DNAJC18: variants seen among roughly 807,000 people sequenced by gnomAD.
The protein encoded by DNAJC18 is dnaJ homolog subfamily C member 18.
DNAJC18 carries 40 observed loss-of-function variants against 48.6 expected under a neutral mutation model. The observed-to-expected ratio is 0.82, with a 90% confidence interval of 0.64 to 1.07. The LOEUF (loss-of-function observed/expected upper bound fraction) is 1.07, where lower values mean the gene tolerates loss of function less well. Among genes scored for constraint, DNAJC18 ranks in the 50% least tolerant of loss-of-function variants. DNAJC18 has a pLI of 0.00. For missense variants in DNAJC18, 340 were observed against 427.7 expected (o/e 0.79, Z 1.81); for synonymous variants, 135 against 152.2 (o/e 0.89, Z 0.83).
At chr5:139,433,780 T>C (rs1255558541) in intron 2 of DNAJC18, among the ~76,000 whole-genome samples, 1 of 152,238 alleles carries the variant, frequency 6.6e-6, no homozygotes, top group Non-Finnish European at 1.5e-5. Flanking sequence ...TTTGTGTATA[T>C]TTTATGATAG....
chr5:139,412,615 A>T lies in DNAJC18; in HGVS notation c.*1533T>A, dbSNP rs907497778. ...ATGAAGGAAGCATGGAGTGTAGGCT[A>T]CAGTCACTTAATGATCCTTCCAAGT... On this transcript the variant is annotated 3_prime_UTR_variant, in exon 8 of 8. Coordinates refer to ENST00000302060, the MANE Select transcript of DNAJC18 (RefSeq NM_152686.4). 2.5e-6 allele frequency: 1 copy of T among 398,420 alleles called. No homozygotes were observed. The highest frequency in any genetic ancestry group is 4.4e-6 in the Non-Finnish European group (1 of 226,092). 24.7% of individuals were successfully genotyped at this position (398,420 alleles called of 1,614,324 possible).
intron 6 of DNAJC18, among the ~76,000 whole-genome samples, 192 bp downstream of exon 6, chr5:139,422,516 C>T (rs925874651): frequency 1.3e-5 from 2 of 152,150 alleles, no homozygotes; most frequent in Admixed American, 6.5e-5. Flanking sequence ...AATCTATTTC[C>T]CGAGGCACAC....
chr5:139,425,237 C>A, intron 4 of DNAJC18, 123 bp from the exon 5 acceptor site: 1 of 644,128 alleles, frequency 1.6e-6, no homozygotes, highest in East Asian at 3.4e-5. Flanking sequence ...GATCTCGGCT[C>A]ACTGCAACCT....
chr5:139,425,045 C>T lies in DNAJC18; in HGVS notation c.629G>A (p.Arg210Lys), dbSNP rs772188857. Reference sequence around the variant, plus strand: ...TTCCTCCTCCTTCTGAGTCTGTGTCCTCTCATGTCGGTGCCGTCGACGGTA... The same window carrying T: ...TTCCTCCTCCTTCTGAGTCTGTGTCTTCTCATGTCGGTGCCGTCGACGGTA... Reference protein sequence around the residue: ...YYYRRRHRHERTQTQKEEEEE... With the variant: ...YYYRRRHRHEKTQTQKEEEEE... Residue 210 changes from arginine to lysine, a missense_variant, in exon 5 of 8, where the codon AGG becomes AAG. Transcript: ENST00000302060. 8 of 1,613,182 alleles carry T rather than the reference C, an allele frequency of 5.0e-6. No homozygotes were observed. The highest frequency in any genetic ancestry group is 6.8e-6 in the Non-Finnish European group (8 of 1,179,510).
At chr5:139,426,416 C>A in intron 3 of DNAJC18, 59 bp from the exon 4 acceptor site, 1 of 1,586,704 alleles carries the variant, frequency 6.3e-7, no homozygotes, top group South Asian at 1.2e-5. Context: ...TGAGAGTGAT[C>A]ACAGCAGCAG....
At position 139,439,258 on chromosome 5, in the gene DNAJC18, C is replaced by A. The variant is rs1229554089; in HGVS notation, c.40+148G>T. On this transcript the variant is annotated intron_variant, in intron 1 of 7. Coordinates refer to ENST00000302060, the MANE Select transcript of DNAJC18 (RefSeq NM_152686.4). This position sits in a 1 kb window ranked among gnomAD's most constrained non-coding sequence, Gnocchi z 4.1. ...CGGTCCCCAGCTTCCCTACCCCATC[C>A]GCAACCCTACTCAGGCTCAGCATCT... is the stretch of plus-strand genomic sequence containing the variant. 4 of 1,340,060 alleles carry A rather than the reference C, an allele frequency of 3.0e-6. No homozygotes were observed. Among genetic ancestry groups the A allele is most frequent in the South Asian group, 1.3e-5 (1 of 78,412 alleles). 83.0% of individuals were successfully genotyped at this position (1,340,060 alleles called of 1,614,324 possible). A position where few individuals can be genotyped will look rare whatever the true frequency, so the allele number is the denominator to read the frequency against.
At position 139,410,379 on chromosome 5, in the gene DNAJC18, G is replaced by A. The variant is rs942174987; in HGVS notation, c.*3769C>T. 4 of 151,966 alleles carry A rather than the reference G, an allele frequency of 2.6e-5. No homozygotes were observed. Among genetic ancestry groups the A allele is most frequent in the African/African-American group, 7.3e-5 (3 of 41,352 alleles). The allele number at this position is 151,966 out of a possible 1,614,324, so 9.4% of individuals were successfully genotyped here. ...ACATCTTTAATTCCAAATACTGAGC[G>A]TGATGTAAATGATGTAATCAGTATC... On this transcript the variant is annotated 3_prime_UTR_variant, in exon 8 of 8. Transcript: ENST00000302060.
At chr5:139,425,250 G>A in intron 4 of DNAJC18, 136 bp from the exon 5 acceptor site, 2 of 561,220 alleles carry the variant, frequency 3.6e-6, no homozygotes, top group South Asian at 2.1e-5. Context: ...TGCAACCTCT[G>A]CTTCCTGGGT....
chr5:139,420,172 A>G lies in DNAJC18; in HGVS notation c.833T>C (p.Phe278Ser), dbSNP rs763193154. The change falls in exon 7 of 8, where the codon TTT becomes TCT. Residue 278 changes from phenylalanine (F) to serine (S), a missense_variant. Transcript: ENST00000302060. ...GGCCTTGTCAAAGTTTTTATCCACA[A>G]AGTAAGGCACCTGCAGGTTCTGAGT... ...RETQNLQVPY[F>S]VDKNFDKAYR... is the part of the protein sequence containing the mutation. The G allele has an allele frequency of 3.7e-6, 6 of 1,612,000 alleles. No homozygotes were observed. The highest frequency in any genetic ancestry group is 1.7e-5 in the Admixed American group (1 of 59,486).
At chr5:139,433,798 T>A (rs940804433) in intron 2 of DNAJC18, among the ~76,000 whole-genome samples, 2 of 152,246 alleles carry the variant, frequency 1.3e-5, no homozygotes, top group African/African-American at 4.8e-5. Flanking sequence ...TAGTAAATGA[T>A]AAAATAGACT....
chr5:139,437,368 T>C lies in DNAJC18; in HGVS notation c.227+4A>G, dbSNP rs758579259. 2.5e-6 allele frequency: 4 copies of C among 1,601,176 alleles called. No homozygotes were observed. The highest frequency in any genetic ancestry group is 1.7e-5 in the Admixed American group (1 of 57,560). ...TCACTCATTTAATCTCACCACATGC[T>C]CACCTTTGTACCCCAAGCAGCTGTT... On this transcript the variant is annotated splice_donor_region_variant and intron_variant, in intron 2 of 7. Coordinates refer to ENST00000302060, the MANE Select transcript of DNAJC18 (RefSeq NM_152686.4).
chr5:139,419,390 G>A (rs905440916), intron 7 of DNAJC18, among the ~76,000 whole-genome samples: 1 of 152,352 alleles, frequency 6.6e-6, no homozygotes, highest in Non-Finnish European at 1.5e-5. Context: ...AGGGAAATAG[G>A]GGGGAAGGCC....
chr5:139,411,293 G>A lies in DNAJC18; in HGVS notation c.*2855C>T, dbSNP rs757422476. On this transcript the variant is annotated 3_prime_UTR_variant, in exon 8 of 8. Transcript: ENST00000302060. Reference sequence around the variant, plus strand: ...CTCCTTTTCTCACTGCCGATCGTGCGGTAGAGAGAGCATCTTCATTTGAAT... The same window carrying A: ...CTCCTTTTCTCACTGCCGATCGTGCAGTAGAGAGAGCATCTTCATTTGAAT... 12 of 152,124 alleles carry A rather than the reference G, an allele frequency of 7.9e-5. No individual in the cohort carries two copies. Among genetic ancestry groups the A allele is most frequent in the East Asian group, 1.9e-4 (1 of 5,190 alleles). The allele number at this position is 152,124 out of a possible 1,614,324, so 9.4% of individuals were successfully genotyped here. A position where few individuals can be genotyped will look rare whatever the true frequency, so the allele number is the denominator to read the frequency against.
chr5:139,424,976 G>A, intron 5 of DNAJC18, 29 bp downstream of exon 5: 1 of 1,589,068 alleles, frequency 6.3e-7, no homozygotes, highest in South Asian at 1.1e-5. Flanking sequence ...ACTGTTTATG[G>A]GCAGCAGTGC....
intron 7 of DNAJC18, chr5:139,419,045 C>A: frequency 2.4e-6 from 1 of 420,234 alleles, no homozygotes; most frequent in Admixed American, 2.7e-5. Context: ...CTTAGCAGCA[C>A]TGTGACTGAA....
At chr5:139,435,732 T>TTTTTTTTTTTTTTTTTTTC (rs1750635055) in intron 2 of DNAJC18, among the ~76,000 whole-genome samples, 1 of 128,490 alleles carries the variant, frequency 7.8e-6, no homozygotes, top group African/African-American at 3.1e-5. Context: ...TTTTTTTTTT[T>TTTTTTTTTTTTTTTTTTTC]CAGACAAGGT....
At chr5:139,417,814 TC>T (rs1349779836) in intron 7 of DNAJC18, among the ~76,000 whole-genome samples, 1 of 152,160 alleles carries the variant, frequency 6.6e-6, no homozygotes, top group Non-Finnish European at 1.5e-5. Context: ...CCTCAGGTGA[TC>T]CATCCTCCTT....
At position 139,411,271 on chromosome 5, in the gene DNAJC18, C is replaced by T. The variant is rs1455606300; in HGVS notation, c.*2877G>A. 1 of 152,170 alleles carries T rather than the reference C, an allele frequency of 6.6e-6. No individual in the cohort carries two copies. The highest frequency in any genetic ancestry group is 1.5e-5 in the Non-Finnish European group (1 of 68,018). 9.4% of individuals were successfully genotyped at this position (152,170 alleles called of 1,614,324 possible). On this transcript the variant is annotated 3_prime_UTR_variant, in exon 8 of 8. Transcript: ENST00000302060. ...TGTGATGAGAAGGATTTTCATCCTC[C>T]TTTTCTCACTGCCGATCGTGCGGTA...
intron 2 of DNAJC18, 120 bp from the exon 3 acceptor site, chr5:139,428,803 G>C (rs1759283479): frequency 8.4e-7 from 1 of 1,194,084 alleles, no homozygotes; most frequent in Non-Finnish European, 1.2e-6. Flanking sequence ...AAGAAAATTA[G>C]TGCACACGTT....
Sources: allele counts gnomAD v4.1 joint callset (sites outside exome capture counted in the v4.1 genomes callset), GRCh38; gene constraint gnomAD v4.1.1; non-coding constraint Gnocchi (gnomAD v3.1); transcripts MANE v1.5; gene names NCBI Gene and HGNC (gene_info 2026-07-23, HGNC 2026-07-21).